The following EGFLAM variants were observed in gnomAD, a reference collection of about 807,000 sequenced individuals.
EGFLAM encodes the protein EGF like, fibronectin type III and laminin G domains, also known as pikachurin.
In EGFLAM, 79 loss-of-function variants were observed where a neutral mutation model predicts 113.1. The ratio of observed to expected loss-of-function variants is 0.70; its 90% CI spans 0.58 to 0.84. The LOEUF (loss-of-function observed/expected upper bound fraction) is 0.84, where lower values mean the gene tolerates loss of function less well. Among genes scored for constraint, EGFLAM ranks in the 40% least tolerant of loss-of-function variants. EGFLAM has a pLI of 0.00. For missense variants in EGFLAM, 1,265 were observed against 1,291.6 expected, an observed-to-expected ratio of 0.98 and a Z score of 0.32; for synonymous variants, 504 against 487.6, an observed-to-expected ratio of 1.03 and a Z score of -0.44.
At chr5:38,272,364 TTCCCCCA>T (rs956726437) in intron 1 of EGFLAM, among the ~76,000 whole-genome samples, 1 of 152,196 alleles carries the variant, frequency 6.6e-6, no homozygotes, top group Non-Finnish European at 1.5e-5. Flanking sequence ...ACAATCCTCC[TTCCCCCA>T]TTTGTCTTTA....
In EGFLAM at chr5:38,409,086, G is replaced by A. The variant is rs144190586; in HGVS notation, c.1331G>A (p.Arg444Gln). 1.4e-3 allele frequency: 2,197 copies of A among 1,582,336 alleles called. 4 individuals are homozygous for A. Among genetic ancestry groups the A allele is most frequent in the Non-Finnish European group, 1.8e-3 (2,077 of 1,162,206 alleles). ...GATTTCATGTCCCTGGCTATCATCC[G>A]ACGCTCCCTGCAGTTCAGGTAATTC... The part of the protein sequence containing the change: ...RGDFMSLAII[R>Q]RSLQFRFNCG... Residue 444 changes from arginine to glutamine, a missense_variant, in exon 10 of 22, where the codon CGA (arginine) becomes CAA (glutamine). Coordinates refer to ENST00000322350, the MANE Select transcript of EGFLAM (RefSeq NM_152403.4).
chr5:38,445,508 C>T, intron 17 of EGFLAM: 1 of 1,509,050 alleles, frequency 6.6e-7, no homozygotes, highest in Non-Finnish European at 8.9e-7. Context: ...CCAGTGGTTC[C>T]CCGCGGGGCT....
At chr5:38,448,235 T>C in intron 17 of EGFLAM, 66 bp from the exon 18 acceptor site, 13 of 1,523,684 alleles carry the variant, frequency 8.5e-6, no homozygotes, top group South Asian at 1.1e-5. Context: ...TTTCCTGCCA[T>C]GTGTGTGAGT....
At chr5:38,388,933 CAAAAA>C (rs33962258) in intron 6 of EGFLAM, among the ~76,000 whole-genome samples, 104 of 139,592 alleles carry the variant, frequency 7.5e-4, no homozygotes, top group Middle Eastern at 3.7e-3. Context: ...AAAAAAAAAA[CAAAAA>C]AAAATGCAAA....
intron 1 of EGFLAM, among the ~76,000 whole-genome samples, chr5:38,267,046 A>T (rs1455604361): frequency 6.6e-6 from 1 of 152,200 alleles, no homozygotes; most frequent in Non-Finnish European, 1.5e-5. Context: ...AGAGGATATG[A>T]TCTAACAATA....
intron 3 of EGFLAM, chr5:38,346,533 G>A (rs1256027785): frequency 2.0e-5 from 3 of 152,134 alleles, no homozygotes; most frequent in Admixed American, 6.5e-5. Flanking sequence ...GCTATACATA[G>A]CCTTCTTTCC....
chr5:38,303,354 C>T (rs1758640797), intron 1 of EGFLAM, among the ~76,000 whole-genome samples: 1 of 152,148 alleles, frequency 6.6e-6, no homozygotes, highest in African/African-American at 2.4e-5. Context: ...CTCTTACAGA[C>T]AGTAATTTAC....
intron 1 of EGFLAM, among the ~76,000 whole-genome samples, chr5:38,285,198 G>A (rs1351764811): frequency 6.6e-6 from 1 of 152,136 alleles, no homozygotes; most frequent in Non-Finnish European, 1.5e-5. Context: ...AATCCTTCAA[G>A]CACAAACTGC....
At chr5:38,337,013 AAGAT>A (rs1739204811) in intron 1 of EGFLAM, among the ~76,000 whole-genome samples, 1 of 152,260 alleles carries the variant, frequency 6.6e-6, no homozygotes, top group Non-Finnish European at 1.5e-5. Context: ...GAAGTTACTT[AAGAT>A]AGATAGTAAA....
At chr5:38,284,509 C>T (rs774293992) in intron 1 of EGFLAM, among the ~76,000 whole-genome samples, 42 of 152,164 alleles carry the variant, frequency 2.8e-4, no homozygotes, top group Non-Finnish European at 4.6e-4. Flanking sequence ...AAATGTGGTC[C>T]ATGGGCTGTG....
intron 6 of EGFLAM, among the ~76,000 whole-genome samples, chr5:38,405,389 A>G (rs1386084551): frequency 6.6e-6 from 1 of 151,940 alleles, no homozygotes; most frequent in East Asian, 1.9e-4. Flanking sequence ...CCTAAGTAAT[A>G]TATTGTTTTG....
chr5:38,393,480 G>T (rs2112092273), intron 6 of EGFLAM, among the ~76,000 whole-genome samples: 1 of 152,232 alleles, frequency 6.6e-6, no homozygotes, highest in African/African-American at 2.4e-5. Flanking sequence ...CAGGAAGAGT[G>T]CAGGCACCAG....
chr5:38,308,179 A>AG (rs1758777177), intron 1 of EGFLAM, among the ~76,000 whole-genome samples: 1 of 152,234 alleles, frequency 6.6e-6, no homozygotes, highest in Non-Finnish European at 1.5e-5. Flanking sequence ...AAAAGACAAA[A>AG]GGGTAGCCTT....
At chr5:38,370,752 A>G (rs1740188410) in intron 6 of EGFLAM, among the ~76,000 whole-genome samples, 1 of 152,236 alleles carries the variant, frequency 6.6e-6, no homozygotes, top group Non-Finnish European at 1.5e-5. Context: ...GCAAAATGAT[A>G]TGCAGCCTTC....
chr5:38,285,021 A>G (rs1758121325), intron 1 of EGFLAM, among the ~76,000 whole-genome samples: 1 of 152,256 alleles, frequency 6.6e-6, no homozygotes, highest in South Asian at 2.1e-4. Context: ...CTATTTTCAT[A>G]TAATTACAGT....
chr5:38,426,960 G>A, intron 13 of EGFLAM, 49 bp from the exon 14 acceptor site: 1 of 1,602,076 alleles, frequency 6.2e-7, no homozygotes, highest in Non-Finnish European at 8.5e-7. Context: ...TGCACATCTG[G>A]CCAGTTTCTG....
At chr5:38,411,734 C>T (rs904750382) in intron 10 of EGFLAM, among the ~76,000 whole-genome samples, 16 of 151,942 alleles carry the variant, frequency 1.1e-4, no homozygotes, top group South Asian at 2.1e-4. Flanking sequence ...CCACCTGCCT[C>T]GGCCTCCCAA....
chr5:38,325,120 C>G (rs1738845594), intron 1 of EGFLAM, among the ~76,000 whole-genome samples: 1 of 152,026 alleles, frequency 6.6e-6, no homozygotes, highest in Non-Finnish European at 1.5e-5. Flanking sequence ...CAATGACTGG[C>G]AGGGAAGAGG....
chr5:38,457,715 T>C (rs1162826201), intron 19 of EGFLAM, among the ~76,000 whole-genome samples: 1 of 152,158 alleles, frequency 6.6e-6, no homozygotes, highest in Non-Finnish European at 1.5e-5. Flanking sequence ...CATCGTAACA[T>C]AGTATAAAAC....
Sources: allele counts gnomAD v4.1 joint callset (sites outside exome capture counted in the v4.1 genomes callset), GRCh38; gene constraint gnomAD v4.1.1; transcripts MANE v1.5; gene names NCBI Gene and HGNC (gene_info 2026-07-23, HGNC 2026-07-21).